CUL1: variants seen among roughly 807,000 people sequenced by gnomAD.
CUL1 encodes the protein cullin 1.
Under a neutral mutation model 118.0 loss-of-function variants are expected in CUL1, and 24 were observed. That is an observed-to-expected ratio of 0.20 (90% CI 0.15 to 0.29). The LOEUF is 0.29. Ranked by LOEUF, CUL1 falls within the 10% of genes least tolerant of loss-of-function variation. The pLI, the probability that CUL1 is intolerant of heterozygous loss-of-function variation, is 1.00. For synonymous variants in CUL1, 332 were observed against 340.4 expected, an observed-to-expected ratio of 0.98 and a Z score of 0.27; for missense variants, 361 against 933.8, an observed-to-expected ratio of 0.39 and a Z score of 7.99.
chr7:148,768,428 A>G (rs1584802372), intron 9 of CUL1, among the ~76,000 whole-genome samples: 1 of 122,778 alleles, frequency 8.1e-6, no homozygotes, highest in Non-Finnish European at 1.6e-5. Context: ...TCTCTTGCCC[A>G]GGCTGGAGTG....
chr7:148,740,662 C>T (rs1321837107), intron 2 of CUL1, among the ~76,000 whole-genome samples: 1 of 152,154 alleles, frequency 6.6e-6, no homozygotes, highest in Non-Finnish European at 1.5e-5. Flanking sequence ...AAGCCCTAAC[C>T]CCCAGTATAT....
At chr7:148,707,878 A>T (rs1797936176) in intron 1 of CUL1, among the ~76,000 whole-genome samples, 1 of 152,188 alleles carries the variant, frequency 6.6e-6, no homozygotes, top group Admixed American at 6.5e-5. Context: ...TGGTTTCCAG[A>T]GGGTGAACGC....
intron 12 of CUL1, 53 bp from the exon 13 acceptor site, chr7:148,786,936 C>G: frequency 6.3e-7 from 1 of 1,586,712 alleles, no homozygotes; most frequent in East Asian, 2.2e-5. Flanking sequence ...CAGCTCTGCA[C>G]TGTTGGCTTG....
chr7:148,718,728 T>G (rs1472501599), intron 1 of CUL1, among the ~76,000 whole-genome samples: 1 of 151,910 alleles, frequency 6.6e-6, no homozygotes, highest in Non-Finnish European at 1.5e-5. Context: ...ATTTTTTTTG[T>G]TTTTGGGGGG....
chr7:148,784,015 C>T lies in CUL1; in HGVS notation c.1236C>T (p.Ala412=), dbSNP rs759936499. ...ACAACAACGCGGTTACCAAGATGGC[C>T]CAATCATCCAGTAAATCCCCTGAGT... ...FINNNAVTKM[A]QSSSKSPELL... is the part of the protein sequence containing the mutation. Residue 412 remains alanine, a synonymous_variant, in exon 11 of 22, where the codon GCC becomes GCT. Transcript: ENST00000325222. 6.2e-7 allele frequency: 1 copy of T among 1,614,104 alleles called. No individual in the cohort carries two copies. Among genetic ancestry groups the T allele is most frequent in the Admixed American group, 1.7e-5 (1 of 60,010 alleles).
At chr7:148,792,604 T>A in intron 16 of CUL1, 122 bp from the exon 17 acceptor site, 1 of 580,828 alleles carries the variant, frequency 1.7e-6, no homozygotes, top group South Asian at 3.0e-5. Flanking sequence ...TGTGCTTTTT[T>A]TGTACTTGTT....
intron 2 of CUL1, among the ~76,000 whole-genome samples, chr7:148,737,572 T>TA (rs34514728): frequency 0.064 from 8,280 of 129,288 alleles, 369 homozygotes; most frequent in Middle Eastern, 0.11. Context: ...ATATATATAT[T>TA]TTTATATTTA....
chr7:148,714,635 A>AGTGATAGGTGTG (rs1798154302), intron 1 of CUL1, among the ~76,000 whole-genome samples: 1 of 152,162 alleles, frequency 6.6e-6, no homozygotes, highest in African/African-American at 2.4e-5. Context: ...TCTTCTCTGT[A>AGTGATAGGTGTG]GTGATAGGTG....
chr7:148,749,393 G>A (rs1382913905), intron 2 of CUL1, among the ~76,000 whole-genome samples: 4 of 114,104 alleles, frequency 3.5e-5, no homozygotes, highest in African/African-American at 1.4e-4. Flanking sequence ...TCCAGCCTGG[G>A]CAACAGAGTG....
At chr7:148,707,492 T>G (rs1255638449) in intron 1 of CUL1, among the ~76,000 whole-genome samples, 5 of 152,176 alleles carry the variant, frequency 3.3e-5, no homozygotes, top group Non-Finnish European at 7.4e-5. Flanking sequence ...ACTTTTTATT[T>G]TTTTAAATAA....
chr7:148,759,749 T>C, intron 6 of CUL1, 111 bp downstream of exon 6: 1 of 515,596 alleles, frequency 1.9e-6, no homozygotes, highest in Non-Finnish European at 3.3e-6. Flanking sequence ...AGGATATTGT[T>C]AGCATTTACG....
chr7:148,783,955 A>G lies in CUL1; in HGVS notation c.1192-16A>G. The G allele has an allele frequency of 1.2e-6, 2 of 1,613,958 alleles. No homozygotes were observed. The highest frequency in any genetic ancestry group is 1.7e-6 in the Non-Finnish European group (2 of 1,179,892). On this transcript the variant is annotated splice_polypyrimidine_tract_variant and intron_variant, in intron 10 of 21. Transcript: ENST00000325222. ...GGATGGGGCGTTTGTCTCTAACTAT[A>G]TTCCGTGTAACGCAGGCTTGTGGTC...
At chr7:148,754,211 G>T in intron 3 of CUL1, 61 bp downstream of exon 3, 2 of 1,109,734 alleles carry the variant, frequency 1.8e-6, no homozygotes, top group African/African-American at 1.6e-5. Flanking sequence ...GTGAAATAAT[G>T]GTTCTAACTT....
intron 1 of CUL1, among the ~76,000 whole-genome samples, chr7:148,721,548 T>C (rs1416428428): frequency 6.6e-6 from 1 of 152,196 alleles, no homozygotes; most frequent in African/African-American, 2.4e-5. Context: ...TATATATTTT[T>C]CAACATATGT....
intron 2 of CUL1, among the ~76,000 whole-genome samples, chr7:148,750,331 G>A (rs1348254555): frequency 6.6e-6 from 1 of 150,416 alleles, no homozygotes; most frequent in Non-Finnish European, 1.5e-5. Flanking sequence ...TTAAGTTCTA[G>A]GGTACATATG....
intron 1 of CUL1, among the ~76,000 whole-genome samples, chr7:148,725,219 G>GCGCACGCGCGCACACACACACACA: frequency 3.6e-5 from 5 of 140,058 alleles, no homozygotes; most frequent in African/African-American, 1.1e-4. Context: ...ACACGCGCGC[G>GCGCACGCGCGCACACACACACACA]CTCACACACA....
At chr7:148,792,574 T>C (rs1213022814) in intron 16 of CUL1, 152 bp from the exon 17 acceptor site, 6 of 526,884 alleles carry the variant, frequency 1.1e-5, no homozygotes, top group Admixed American at 3.7e-5. Flanking sequence ...CCACGTTTTA[T>C]ATTCCCTTTT....
At chr7:148,797,885 A>G (rs1388607551) in intron 18 of CUL1, 26 bp downstream of exon 18, 5 of 1,611,360 alleles carry the variant, frequency 3.1e-6, no homozygotes, top group South Asian at 2.2e-5. Context: ...TTTATCTTAC[A>G]CTAGAAGAAG....
chr7:148,703,779 C>T (rs1161267462), intron 1 of CUL1, among the ~76,000 whole-genome samples: 2 of 152,092 alleles, frequency 1.3e-5, no homozygotes, highest in African/African-American at 4.8e-5. Flanking sequence ...GATTCACCTG[C>T]CTTAGCCTGC....
Sources: gnomAD v4.1 joint callset for allele counts (sites outside exome capture counted in the v4.1 genomes callset) on GRCh38, gnomAD v4.1.1 for gene constraint, MANE v1.5 for transcripts, NCBI Gene and HGNC (gene_info 2026-07-23, HGNC 2026-07-21) for gene names.